Variants in CNTN5 observed in about 807,000 individuals in gnomAD.
CNTN5 encodes the protein contactin-5.
In CNTN5, 77 loss-of-function variants were observed where a neutral mutation model predicts 129.1. The ratio of observed to expected loss-of-function variants is 0.60; its 90% CI spans 0.50 to 0.72. The LOEUF (loss-of-function observed/expected upper bound fraction) is 0.72. Among genes scored for constraint, CNTN5 ranks in the 30% least tolerant of loss-of-function variants. The pLI, the probability that CNTN5 is intolerant of heterozygous loss-of-function variation, is 0.00. For synonymous variants in CNTN5, 509 were observed against 465.6 expected (o/e 1.09, Z -1.20); for missense variants, 1,478 against 1,328.8 (o/e 1.11, Z -1.75).
chr11:99,084,928 T>C (rs1403303984), intron 1 of CNTN5, among the ~76,000 whole-genome samples: 2 of 152,254 alleles, frequency 1.3e-5, no homozygotes, highest in African/African-American at 4.8e-5. Flanking sequence ...ATCTGATTAA[T>C]ATATTTTTCA....
intron 3 of CNTN5, among the ~76,000 whole-genome samples, chr11:99,819,198 C>G (rs1006397760): frequency 2.0e-5 from 3 of 149,550 alleles, no homozygotes; most frequent in African/African-American, 7.4e-5. Flanking sequence ...AAAGCTTGGG[C>G]TTTTGACTGT....
At chr11:99,082,786 A>AT (rs2135288263) in intron 1 of CNTN5, among the ~76,000 whole-genome samples, 1 of 152,304 alleles carries the variant, frequency 6.6e-6, no homozygotes, top group Non-Finnish European at 1.5e-5. Context: ...ATCTCCATTA[A>AT]AATGTTTCAG....
intron 1 of CNTN5, among the ~76,000 whole-genome samples, chr11:99,267,617 A>G (rs1166016378): frequency 6.6e-6 from 1 of 151,960 alleles, no homozygotes; most frequent in East Asian, 1.9e-4. Flanking sequence ...TCTAACCCCA[A>G]CAATTAAAAC....
intron 1 of CNTN5, among the ~76,000 whole-genome samples, chr11:99,206,953 G>T (rs973488164): frequency 2.0e-5 from 3 of 151,936 alleles, no homozygotes; most frequent in African/African-American, 7.3e-5. Flanking sequence ...TCAAATTACT[G>T]CCATCTATGA....
chr11:99,122,437 C>T (rs1858390506), intron 1 of CNTN5, among the ~76,000 whole-genome samples: 1 of 151,644 alleles, frequency 6.6e-6, no homozygotes, highest in Admixed American at 6.6e-5. Flanking sequence ...TATTTTAGGT[C>T]AATAACAATC....
At chr11:99,473,100 C>T (rs1289829719) in intron 2 of CNTN5, among the ~76,000 whole-genome samples, 4 of 152,122 alleles carry the variant, frequency 2.6e-5, no homozygotes, top group African/African-American at 9.7e-5. Flanking sequence ...GTTCTATAAA[C>T]ATTCCACTGT....
intron 9 of CNTN5, among the ~76,000 whole-genome samples, chr11:100,044,127 T>G (rs1391210913): frequency 7.0e-6 from 1 of 141,856 alleles, no homozygotes; most frequent in East Asian, 2.3e-4. Flanking sequence ...CGTATAGACT[T>G]ACATGTACAT....
At chr11:99,364,051 A>G (rs977783178) in intron 2 of CNTN5, among the ~76,000 whole-genome samples, 1 of 152,164 alleles carries the variant, frequency 6.6e-6, no homozygotes, top group African/African-American at 2.4e-5. Flanking sequence ...GTGTTTTAAA[A>G]TAACAAATAT....
chr11:99,309,722 T>C (rs1330341744), intron 1 of CNTN5, among the ~76,000 whole-genome samples: 1 of 152,198 alleles, frequency 6.6e-6, no homozygotes, highest in East Asian at 1.9e-4. Context: ...ATTTTATGCA[T>C]CTCAACTCCA....
chr11:99,794,542 G>A (rs116622597), intron 3 of CNTN5, among the ~76,000 whole-genome samples: 1,620 of 152,238 alleles, frequency 0.011, 35 homozygotes, highest in African/African-American at 0.037. Flanking sequence ...ACTTAAGTGT[G>A]CTTTTGTTGT....
At chr11:99,873,825 T>G (rs1029000508) in intron 6 of CNTN5, among the ~76,000 whole-genome samples, 1 of 152,104 alleles carries the variant, frequency 6.6e-6, no homozygotes, top group African/African-American at 2.4e-5. Flanking sequence ...TATCAAAGGT[T>G]GAATGGACAA....
chr11:99,306,746 G>GATAATA (rs3084742), intron 1 of CNTN5, among the ~76,000 whole-genome samples: 1,760 of 147,010 alleles, frequency 0.012, 15 homozygotes, highest in Non-Finnish European at 0.017. Context: ...AAATAATGAT[G>GATAATA]ATAATAATAA....
At chr11:99,547,783 T>C (rs1948348921) in intron 2 of CNTN5, among the ~76,000 whole-genome samples, 2 of 152,206 alleles carry the variant, frequency 1.3e-5, no homozygotes, top group Non-Finnish European at 2.9e-5. Flanking sequence ...TTATTATTGA[T>C]TTATAAAGAC....
At chr11:99,388,235 G>A (rs1442567516) in intron 2 of CNTN5, among the ~76,000 whole-genome samples, 1 of 151,794 alleles carries the variant, frequency 6.6e-6, no homozygotes, top group East Asian at 1.9e-4. Flanking sequence ...GGCCAACATG[G>A]TGAAACCCCA....
chr11:99,056,200 T>C (rs951193656), intron 1 of CNTN5, among the ~76,000 whole-genome samples: 1 of 152,012 alleles, frequency 6.6e-6, no homozygotes, highest in Non-Finnish European at 1.5e-5. Context: ...AGTATATATA[T>C]AAAATGAAGT....
At chr11:99,095,071 T>A (rs544539169) in intron 1 of CNTN5, among the ~76,000 whole-genome samples, 133 of 152,012 alleles carry the variant, frequency 8.7e-4, no homozygotes, top group African/African-American at 3.2e-3. Flanking sequence ...CCATGGTGGC[T>A]TGCTGTACCC....
intron 1 of CNTN5, among the ~76,000 whole-genome samples, chr11:99,022,564 G>A (rs935509559): frequency 6.6e-6 from 1 of 152,008 alleles, no homozygotes; most frequent in African/African-American, 2.4e-5. Flanking sequence ...AACTTAACAG[G>A]CATAAGTTTA....
intron 1 of CNTN5, among the ~76,000 whole-genome samples, chr11:99,106,419 G>C (rs1866997660): frequency 1.3e-5 from 2 of 151,662 alleles, no homozygotes; most frequent in South Asian, 4.1e-4. Context: ...ATGAATATGT[G>C]AACAAATTTT....
chr11:99,163,960 C>T (rs1860745012), intron 1 of CNTN5, among the ~76,000 whole-genome samples: 1 of 152,128 alleles, frequency 6.6e-6, no homozygotes, highest in Non-Finnish European at 1.5e-5. Context: ...TTAGGTCATA[C>T]ATTAACATGA....
Sources: gnomAD v4.1 joint callset for allele counts (sites outside exome capture counted in the v4.1 genomes callset) on GRCh38, gnomAD v4.1.1 for gene constraint, MANE v1.5 for transcripts, NCBI Gene and HGNC (gene_info 2026-07-23, HGNC 2026-07-21) for gene names.